Variants in ANKRD44 observed in about 807,000 individuals in gnomAD.
The protein encoded by ANKRD44 is ankyrin repeat domain 44.
ANKRD44 carries 35 observed loss-of-function variants against 116.0 expected under a neutral mutation model. The observed-to-expected ratio is 0.30, with a 90% CI of 0.23 to 0.40. ANKRD44 has a LOEUF of 0.40. Among genes scored for constraint, ANKRD44 ranks in the 10% least tolerant of loss-of-function variants. The pLI is 1.00. For missense variants in ANKRD44, 1,014 were observed against 1,242.6 expected, an observed-to-expected ratio of 0.82 and a Z score of 2.77; for synonymous variants, 435 against 461.8, an observed-to-expected ratio of 0.94 and a Z score of 0.74.
chr2:197,295,196 C>T (rs1180553764), intron 1 of ANKRD44, among the ~76,000 whole-genome samples: 1 of 152,152 alleles, frequency 6.6e-6, no homozygotes, highest in Non-Finnish European at 1.5e-5. Flanking sequence ...CAAAGTGCAA[C>T]TTAGGTAACA....
At chr2:197,064,114 T>C (rs556351896) in intron 16 of ANKRD44, among the ~76,000 whole-genome samples, 1 of 152,274 alleles carries the variant, frequency 6.6e-6, no homozygotes, top group African/African-American at 2.4e-5. Context: ...TGGCAGAAAC[T>C]CTACAAGCCA....
intron 1 of ANKRD44, among the ~76,000 whole-genome samples, chr2:197,269,091 G>GTTTTTGTGTTT (rs377613120): frequency 2.6e-5 from 4 of 151,468 alleles, no homozygotes; most frequent in African/African-American, 4.8e-5. Flanking sequence ...TTTTGTTTTT[G>GTTTTTGTGTTT]TTTTTGATCT....
At chr2:197,062,033 G>C (rs571001701) in intron 16 of ANKRD44, among the ~76,000 whole-genome samples, 1 of 152,058 alleles carries the variant, frequency 6.6e-6, no homozygotes, top group African/African-American at 2.4e-5. Context: ...CACCCGCCTC[G>C]GCCTCCCAAA....
At chr2:197,186,612 C>CTCTTTTTTTTT (rs2080671564) in intron 2 of ANKRD44, among the ~76,000 whole-genome samples, 1 of 50,786 alleles carries the variant, frequency 2.0e-5, no homozygotes, top group Non-Finnish European at 4.4e-5. Flanking sequence ...GCTAATTTTT[C>CTCTTTTTTTTT]TTTTTTTTTT....
In ANKRD44 at chr2:197,081,744, A is replaced by G. The variant is rs1286442192; in HGVS notation, c.1458-19T>C. 3 of 1,592,996 alleles carry G rather than the reference A, an allele frequency of 1.9e-6. No homozygotes were observed. The highest frequency in any genetic ancestry group is 2.6e-6 in the Non-Finnish European group (3 of 1,168,426). On this transcript the variant is annotated intron_variant, in intron 14 of 27. Coordinates refer to ENST00000282272, the MANE Select transcript of ANKRD44 (RefSeq NM_001195144.2). ...AGTCTTACTTCTCAGCATAAAGGAT[A>G]GAAAAAAAAATTGCAATTAATTTTT...
rs984893723 is a variant in ANKRD44, at chr2:197,310,657, A to T, written c.-53T>A. The T allele has an allele frequency of 5.5e-5, 72 of 1,317,600 alleles. No homozygotes were observed. Among genetic ancestry groups the T allele is most frequent in the Non-Finnish European group, 6.9e-5 (70 of 1,011,954 alleles). 81.6% of individuals were successfully genotyped at this position (1,317,600 alleles called of 1,614,324 possible). ...TGCAGGTCCCCGGCCCGCAGATGTC[A>T]CGCCGGGAGCCGGGGAAGCGGAAGG... is the stretch of plus-strand genomic sequence containing the variant. On this transcript the variant is annotated 5_prime_UTR_variant, in exon 1 of 28. Coordinates refer to ENST00000282272, the MANE Select transcript of ANKRD44 (RefSeq NM_001195144.2).
chr2:196,993,552 C>A lies in ANKRD44; in HGVS notation c.2923+31G>T, dbSNP rs1418612106. ...GGCTTCAACTAGCTTATGGAAGGTA[C>A]CTGCAGTCGCTGTTGACTTTTTCCA... On this transcript the variant is annotated intron_variant, in intron 27 of 27. Transcript: ENST00000282272. 2.2e-5 allele frequency: 33 copies of A among 1,513,674 alleles called. No homozygotes were observed. In the Middle Eastern group the frequency reaches 1.2e-3, roughly 54 times the overall value. 93.8% of individuals were successfully genotyped at this position (1,513,674 alleles called of 1,614,324 possible). A position where few individuals can be genotyped will look rare whatever the true frequency, so the allele number is the denominator to read the frequency against.
intron 8 of ANKRD44, among the ~76,000 whole-genome samples, chr2:197,113,499 T>C (rs143031165): frequency 6.6e-6 from 1 of 152,226 alleles, no homozygotes. Flanking sequence ...CTATAAATAC[T>C]TCAGCATTTA....
chr2:196,983,144 G>A (rs2075813767), downstream of ANKRD44, among the ~76,000 whole-genome samples: 1 of 151,490 alleles, frequency 6.6e-6, no homozygotes, highest in Non-Finnish European at 1.5e-5. Flanking sequence ...GTATACCTAT[G>A]TAACAATTCT....
intron 16 of ANKRD44, among the ~76,000 whole-genome samples, chr2:197,064,247 A>C (rs1018990937): frequency 5.3e-5 from 8 of 152,196 alleles, no homozygotes; most frequent in Non-Finnish European, 1.2e-4. Flanking sequence ...AGACAAGCAA[A>C]TGCTGAGAGA....
chr2:197,205,695 G>C (rs1055328106), intron 1 of ANKRD44, among the ~76,000 whole-genome samples: 8 of 152,148 alleles, frequency 5.3e-5, no homozygotes, highest in African/African-American at 1.9e-4. Context: ...TACAGTCCCA[G>C]GCTCAAGAAG....
chr2:196,975,302 G>C (rs1432529754), intron 21 of ANKRD44, among the ~76,000 whole-genome samples: 1 of 152,124 alleles, frequency 6.6e-6, no homozygotes, highest in African/African-American at 2.4e-5. Context: ...AAGAAATTGA[G>C]TTAGCAATAA....
intron 4 of ANKRD44, chr2:197,136,154 T>A (rs2079211499): frequency 5.4e-6 from 1 of 185,924 alleles, no homozygotes; most frequent in African/African-American, 2.4e-5. Context: ...AGGCCCCCAT[T>A]CACTCACTTC....
intron 1 of ANKRD44, among the ~76,000 whole-genome samples, 196 bp downstream of exon 1, chr2:197,310,382 G>GC (rs1276574594): frequency 1.4e-5 from 2 of 147,268 alleles, no homozygotes; most frequent in East Asian, 4.0e-4. Flanking sequence ...AGTTCCGACG[G>GC]CCCAGGGCGG....
intron 21 of ANKRD44, among the ~76,000 whole-genome samples, chr2:196,980,639 C>A (rs2075794260): frequency 6.6e-6 from 1 of 152,240 alleles, no homozygotes; most frequent in East Asian, 1.9e-4. Flanking sequence ...GAACCACACT[C>A]TCCTTTTGTT....
chr2:197,250,804 C>T (rs1253419730), intron 1 of ANKRD44: 1 of 152,120 alleles, frequency 6.6e-6, no homozygotes, highest in Admixed American at 6.5e-5. Flanking sequence ...GACCCCAGAG[C>T]CAGCTAAGAA....
At chr2:197,049,025 TG>T (rs201578890) in intron 16 of ANKRD44, among the ~76,000 whole-genome samples, 2 of 152,176 alleles carry the variant, frequency 1.3e-5, no homozygotes, top group African/African-American at 4.8e-5. Flanking sequence ...CACTTTTTGA[TG>T]GGGTTTTTTT....
At chr2:197,210,858 T>G (rs1032483238) in intron 1 of ANKRD44, among the ~76,000 whole-genome samples, 4 of 152,104 alleles carry the variant, frequency 2.6e-5, no homozygotes, top group Non-Finnish European at 4.4e-5. Flanking sequence ...CCACCTTTGA[T>G]GGGGCAGAGG....
intron 16 of ANKRD44, among the ~76,000 whole-genome samples, chr2:197,036,240 G>A (rs370783057): frequency 4.6e-5 from 7 of 151,980 alleles, no homozygotes; most frequent in East Asian, 3.9e-4. Context: ...CTATAGTTGC[G>A]TAAGTCAAGG....
Sources: gnomAD v4.1 joint callset for allele counts (sites outside exome capture counted in the v4.1 genomes callset) on GRCh38, gnomAD v4.1.1 for gene constraint, MANE v1.5 for transcripts, NCBI Gene and HGNC (gene_info 2026-07-23, HGNC 2026-07-21) for gene names.